SLF2: variants seen among roughly 807,000 people sequenced by gnomAD.
The protein encoded by SLF2 is SMC5-SMC6 complex localization factor protein 2.
In SLF2, 68 loss-of-function variants were observed where a neutral mutation model predicts 124.3. The ratio of observed to expected loss-of-function variants is 0.55; its 90% CI spans 0.45 to 0.67. The LOEUF (loss-of-function observed/expected upper bound fraction) is 0.67. Among genes scored for constraint, SLF2 ranks in the 30% least tolerant of loss-of-function variants. The probability of loss-of-function intolerance (pLI) is 0.00; values close to 1 mark genes in which losing one functional copy is unlikely to be tolerated. For missense variants in SLF2, 1,246 were observed against 1,373.7 expected (o/e 0.91, Z 1.47); for synonymous variants, 480 against 478.8 (o/e 1.00, Z -0.03).
chr10:100,938,805 A>C (rs1339895448), intron 11 of SLF2, 69 bp downstream of exon 11: 2 of 1,328,828 alleles, frequency 1.5e-6, no homozygotes, highest in African/African-American at 3.0e-5. Context: ...TTATAGCTAA[A>C]GTTTAATATT....
intron 19 of SLF2, among the ~76,000 whole-genome samples, chr10:100,961,033 G>A (rs1460234962): frequency 1.1e-5 from 1 of 87,262 alleles, no homozygotes; most frequent in African/African-American, 4.4e-5. Flanking sequence ...TTTTTGAGAC[G>A]GAGTCTTGCT....
intron 9 of SLF2, among the ~76,000 whole-genome samples, chr10:100,932,353 T>C (rs1849754146): frequency 1.3e-5 from 2 of 152,194 alleles, no homozygotes; most frequent in Non-Finnish European, 2.9e-5. Context: ...GGAATCGTAG[T>C]ATAAAAGAGT....
At chr10:100,913,338 G>C in intron 1 of SLF2, 88 bp downstream of exon 1, 1 of 1,381,522 alleles carries the variant, frequency 7.2e-7, no homozygotes, top group Non-Finnish European at 9.4e-7. Context: ...TCCAGTTCCC[G>C]CCATCCTCCG....
At chr10:100,938,004 A>C (rs1849899547) in intron 10 of SLF2, among the ~76,000 whole-genome samples, 1 of 152,244 alleles carries the variant, frequency 6.6e-6, no homozygotes, top group Non-Finnish European at 1.5e-5. Flanking sequence ...AGATCTTGCA[A>C]GTGGAAACCC....
In SLF2 at chr10:100,923,959, A is replaced by G. The variant is rs1196076187; in HGVS notation, c.974-16A>G. 1.3e-6 allele frequency: 2 copies of G among 1,490,268 alleles called. No individual in the cohort carries two copies. Among genetic ancestry groups the G allele is most frequent in the Non-Finnish European group, 1.8e-6 (2 of 1,122,990 alleles). The allele number at this position is 1,490,268 out of a possible 1,614,324, so 92.3% of individuals were successfully genotyped here. A position where few individuals can be genotyped will look rare whatever the true frequency, so the allele number is the denominator to read the frequency against. ...AAAGTATATTTTTCACTAATCTAAC[A>G]AAAATTAAATTTTAGCAGGCTCTAA... On this transcript the variant is annotated splice_polypyrimidine_tract_variant and intron_variant, in intron 4 of 19. Coordinates refer to ENST00000238961, the MANE Select transcript of SLF2 (RefSeq NM_018121.4).
intron 9 of SLF2, among the ~76,000 whole-genome samples, chr10:100,935,605 G>A (rs1849831335): frequency 6.6e-6 from 1 of 151,738 alleles, no homozygotes; most frequent in Admixed American, 6.6e-5. Context: ...GCTTGAACCT[G>A]GGAGGCAGAG....
At chr10:100,934,053 G>A (rs1311794731) in intron 9 of SLF2, among the ~76,000 whole-genome samples, 1 of 152,160 alleles carries the variant, frequency 6.6e-6, no homozygotes, top group African/African-American at 2.4e-5. Flanking sequence ...ATTAAAATAA[G>A]AAGGCTGAAC....
intron 17 of SLF2, among the ~76,000 whole-genome samples, chr10:100,955,142 A>G (rs1850305344): frequency 6.6e-6 from 1 of 151,534 alleles, no homozygotes; most frequent in African/African-American, 2.4e-5. Context: ...GGTTTTCACC[A>G]TGTTAGTGAG....
At chr10:100,917,413 A>G in intron 3 of SLF2, 113 bp downstream of exon 3, 8 of 1,197,234 alleles carry the variant, frequency 6.7e-6, no homozygotes, top group Non-Finnish European at 9.1e-6. Flanking sequence ...CCTGAAGGAA[A>G]TACTTATGCA....
At chr10:100,954,463 ATTTCAAATTTTAATTATT>A (rs1012531868) in intron 17 of SLF2, among the ~76,000 whole-genome samples, 25 of 152,338 alleles carry the variant, frequency 1.6e-4, no homozygotes, top group Admixed American at 1.4e-3. Context: ...GTTTATAAAT[ATTTCAAATTTTAATTATT>A]TTAAATCGCT....
intron 7 of SLF2, 56 bp downstream of exon 7, chr10:100,929,495 TTTG>T: frequency 6.8e-7 from 1 of 1,463,278 alleles, no homozygotes; most frequent in Non-Finnish European, 9.2e-7. Flanking sequence ...ATTTTTTAGT[TTTG>T]TTTTTGTAAA....
chr10:100,916,833 T>C lies in SLF2; in HGVS notation c.448T>C (p.Tyr150His). 1 of 1,614,158 alleles carries C rather than the reference T, an allele frequency of 6.2e-7. No homozygotes were observed. The highest frequency in any genetic ancestry group is 8.5e-7 in the Non-Finnish European group (1 of 1,180,020). The change falls in exon 3 of 20, where the codon TAT (tyrosine) becomes CAT (histidine). Residue 150 changes from tyrosine to histidine, a missense_variant. By Grantham distance (83) the Tyr-to-His change is moderately conservative. This residue lies in a region of SLF2 where 698 missense variants were observed against 708.9 expected (regional missense o/e 0.98). Transcript: ENST00000238961. ...SKYLAKGTNI[Y>H]VPSSYHLPKE... Reference sequence around the variant, plus strand: ...ATATTTAGCCAAAGGAACAAATATCTATGTTCCTTCTTCATATCACTTGCC... The same window carrying C: ...ATATTTAGCCAAAGGAACAAATATCCATGTTCCTTCTTCATATCACTTGCC...
At chr10:100,947,968 G>GC (rs1850137115) in intron 15 of SLF2, 121 bp downstream of exon 15, 4 of 615,084 alleles carry the variant, frequency 6.5e-6, no homozygotes, top group Non-Finnish European at 1.1e-5. Flanking sequence ...GCTTGATACT[G>GC]TTCATGTAAT....
intron 5 of SLF2, 75 bp from the exon 6 acceptor site, chr10:100,925,874 C>G: frequency 7.3e-7 from 1 of 1,373,104 alleles, no homozygotes; most frequent in Non-Finnish European, 9.9e-7. Context: ...GTCTTTCGTA[C>G]CCTTAATTAC....
At chr10:100,928,880 C>T (rs553734663) in intron 6 of SLF2, among the ~76,000 whole-genome samples, 2 of 152,290 alleles carry the variant, frequency 1.3e-5, no homozygotes, top group Admixed American at 6.5e-5. Context: ...ACAACTACTG[C>T]TGCTAGAAAG....
In SLF2 at chr10:100,962,144, C is replaced by CT; in HGVS notation, c.*234dup. On this transcript the variant is annotated 3_prime_UTR_variant, in exon 20 of 20. Transcript: ENST00000238961. ...AACTGACCTTTCAAAAGTGCAGAGT[C>CT]TTATTAAAAGAGGGGAGGGGTAGAA... 1 of 386,494 alleles carries CT rather than the reference C, an allele frequency of 2.6e-6. No homozygotes were observed. Among genetic ancestry groups the CT allele is most frequent in the South Asian group, 7.3e-5 (1 of 13,654 alleles). The allele number at this position is 386,494 out of a possible 1,614,324, so 23.9% of individuals were successfully genotyped here.
intron 5 of SLF2, 113 bp from the exon 6 acceptor site, chr10:100,925,836 C>A: frequency 9.7e-7 from 1 of 1,034,592 alleles, no homozygotes; most frequent in Non-Finnish European, 1.4e-6. Flanking sequence ...AGGTGTTATC[C>A]TGGCCCAGAT....
At chr10:100,919,628 G>A (rs1849490115) in intron 4 of SLF2, among the ~76,000 whole-genome samples, 1 of 152,040 alleles carries the variant, frequency 6.6e-6, no homozygotes, top group Admixed American at 6.6e-5. Flanking sequence ...GAAATGAAAG[G>A]TCTCCACAAC....
rs1850087909 is a variant in SLF2 at position 100,945,488 on chromosome 10, C to CT, written c.2916_2917insT (p.Arg973Ter). 6.4e-7 allele frequency: 1 copy of CT among 1,563,022 alleles called. No individual in the cohort carries two copies. On this transcript the variant is annotated frameshift_variant, in exon 13 of 20. Coordinates refer to ENST00000238961, the MANE Select transcript of SLF2 (RefSeq NM_018121.4). LOFTEE classifies it high-confidence loss of function. ...TCCTGATAAACCTGATGAAAAACAT[C>CT]AGAGATTGGAACACAAAGGTAATGT...
Sources: gnomAD v4.1 joint callset for allele counts (sites outside exome capture counted in the v4.1 genomes callset) on GRCh38, gnomAD v4.1.1 for gene constraint, gnomAD v4.1.1 regional missense constraint, MANE v1.5 for transcripts, NCBI Gene and HGNC (gene_info 2026-07-23, HGNC 2026-07-21) for gene names.